The following ZBTB20 variants were observed in gnomAD, a reference collection of about 807,000 sequenced individuals.
ZBTB20 encodes the protein zinc finger and BTB domain-containing protein 20.
In ZBTB20, 9 loss-of-function variants were observed where a neutral mutation model predicts 56.9. The observed-to-expected ratio is 0.16, with a 90% CI of 0.10 to 0.28. The LOEUF is 0.28. Ranked by LOEUF, ZBTB20 falls within the 10% of genes least tolerant of loss-of-function variation. The pLI, the probability that ZBTB20 is intolerant of heterozygous loss-of-function variation, is 1.00. For synonymous variants in ZBTB20, 417 were observed against 420.7 expected (o/e 0.99, Z 0.11); for missense variants, 655 against 1,003.0 (o/e 0.65, Z 4.69).
rs543699006 is a variant in ZBTB20 at position 114,430,955 on chromosome 3, T to C, written c.-254-41850A>G. On this transcript the variant is annotated intron_variant, in intron 7 of 11. Transcript: ENST00000675478. ...AACAAGTGAATTTTTCTCTCATATA[T>C]GAAGGCCTAGATGTGGGGAAAGGTT... Among the ~76,000 whole-genome samples the C allele has an allele frequency of 8.5e-5, 13 of 152,262 alleles. No homozygotes were observed. The South Asian group carries it at 2.7e-3, about 32-fold the overall frequency.
chr3:115,103,428 T>C (rs1311226713), intron 1 of ZBTB20, among the ~76,000 whole-genome samples: 1 of 152,092 alleles, frequency 6.6e-6, no homozygotes, highest in Non-Finnish European at 1.5e-5. Flanking sequence ...GTTGGACAAA[T>C]GAAACTACCA....
chr3:114,660,763 G>C (rs1650097045), intron 6 of ZBTB20, among the ~76,000 whole-genome samples: 1 of 152,016 alleles, frequency 6.6e-6, no homozygotes, highest in Non-Finnish European at 1.5e-5. Flanking sequence ...AATGAATAGG[G>C]ATCAGCATTT....
intron 2 of ZBTB20, among the ~76,000 whole-genome samples, chr3:115,033,622 A>G (rs1280279395): frequency 6.6e-6 from 1 of 151,638 alleles, no homozygotes; most frequent in African/African-American, 2.4e-5. Flanking sequence ...GGAAGTGTCC[A>G]TCAACAGATG....
At chr3:114,658,989 T>C (rs949459493) in intron 6 of ZBTB20, 11 of 152,348 alleles carry the variant, frequency 7.2e-5, no homozygotes, top group East Asian at 3.9e-4. Flanking sequence ...TACATTTTGG[T>C]TGGGGAGATT....
At chr3:114,491,136 C>A (rs2042708420) in intron 7 of ZBTB20, among the ~76,000 whole-genome samples, 1 of 152,226 alleles carries the variant, frequency 6.6e-6, no homozygotes, top group African/African-American at 2.4e-5. Context: ...CCTTTCACTG[C>A]CCTTTCTTAC....
intron 6 of ZBTB20, among the ~76,000 whole-genome samples, chr3:114,600,917 C>T (rs1235222362): frequency 1.3e-5 from 2 of 151,452 alleles, no homozygotes; most frequent in South Asian, 4.2e-4. Context: ...TGTTGCTTGC[C>T]TTTTCTTGAG....
intron 7 of ZBTB20, among the ~76,000 whole-genome samples, chr3:114,471,029 T>G (rs545380583): frequency 1.1e-3 from 172 of 152,278 alleles, no homozygotes; most frequent in African/African-American, 3.9e-3. Context: ...TAAGTCTTTG[T>G]TCAGAAAATA....
chr3:114,454,670 C>G (rs1168102231), intron 7 of ZBTB20: 1 of 151,942 alleles, frequency 6.6e-6, no homozygotes, highest in Non-Finnish European at 1.5e-5. Context: ...TCCACTGCCT[C>G]TTTGAAAAAC....
chr3:115,082,271 C>T (rs972100830), intron 1 of ZBTB20, among the ~76,000 whole-genome samples: 5 of 152,182 alleles, frequency 3.3e-5, no homozygotes, highest in African/African-American at 1.2e-4. Flanking sequence ...AACACACACA[C>T]AGTTACCTTT....
At chr3:115,076,328 A>C (rs907080153) in intron 1 of ZBTB20, among the ~76,000 whole-genome samples, 13 of 152,206 alleles carry the variant, frequency 8.5e-5, no homozygotes, top group Non-Finnish European at 1.2e-4. Context: ...AAAAATAATC[A>C]AAACAATATG....
rs761369643 is a variant in ZBTB20 at position 114,921,607 on chromosome 3, C to T, written c.-455-21265G>A. Reference sequence around the variant, plus strand: ...TGGATATACACCATCAGCAAGCTATCGCAAGGACAAAAAACCAAACACCGC... The same window carrying T: ...TGGATATACACCATCAGCAAGCTATTGCAAGGACAAAAAACCAAACACCGC... On this transcript the variant is annotated intron_variant, in intron 3 of 11. Coordinates refer to ENST00000675478, the MANE Select transcript of ZBTB20 (RefSeq NM_001348800.3). Among the ~76,000 whole-genome samples, 57 of 150,864 alleles carry T rather than the reference C, an allele frequency of 3.8e-4. 1 individual carries two copies. Among genetic ancestry groups the T allele is most frequent in the South Asian group, 6.3e-4 (3 of 4,764 alleles).
chr3:114,526,006 A>G (rs1290561825), intron 6 of ZBTB20, among the ~76,000 whole-genome samples: 2 of 152,214 alleles, frequency 1.3e-5, no homozygotes, highest in African/African-American at 4.8e-5. Flanking sequence ...TATTCAAGGC[A>G]TAGCTGCCAA....
intron 1 of ZBTB20, among the ~76,000 whole-genome samples, chr3:115,091,358 C>T (rs1190851019): frequency 6.6e-6 from 1 of 151,882 alleles, no homozygotes; most frequent in African/African-American, 2.4e-5. Flanking sequence ...TACAAAAATC[C>T]TGTCAAATCA....
chr3:114,908,603 T>G (rs1418293823), intron 3 of ZBTB20, among the ~76,000 whole-genome samples: 1 of 151,824 alleles, frequency 6.6e-6, no homozygotes, highest in African/African-American at 2.4e-5. Context: ...ATATCAAAAA[T>G]ATCAAATCCG....
At chr3:114,495,938 A>G (rs1348035751) in intron 7 of ZBTB20, among the ~76,000 whole-genome samples, 2 of 152,234 alleles carry the variant, frequency 1.3e-5, no homozygotes, top group Non-Finnish European at 2.9e-5. Flanking sequence ...CTGATATTTT[A>G]AAAGCTATGC....
rs188993492 is a variant in ZBTB20 at position 114,815,131 on chromosome 3, G to A, written c.-416-13957C>T. On this transcript the variant is annotated intron_variant, in intron 4 of 11. Coordinates refer to ENST00000675478, the MANE Select transcript of ZBTB20 (RefSeq NM_001348800.3). ...CTAAAGAATGCTTTAAAAATAGAATGTTAACAAGTTCGGAGACATGGATTA... is the reference window on the plus strand; with the variant it reads ...CTAAAGAATGCTTTAAAAATAGAATATTAACAAGTTCGGAGACATGGATTA... 3.3e-3 allele frequency among the ~76,000 whole-genome samples: 503 copies of A among 152,214 alleles called. 2 individuals are homozygous for A. The highest frequency in any genetic ancestry group is 0.012 in the African/African-American group (478 of 41,536).
intron 3 of ZBTB20, among the ~76,000 whole-genome samples, chr3:114,927,217 C>A (rs2076191053): frequency 6.6e-6 from 1 of 152,202 alleles, no homozygotes; most frequent in Admixed American, 6.5e-5. Flanking sequence ...TGTTTCTAAT[C>A]TACCAATGGC....
chr3:115,141,810 G>A (rs1169823243), intron 1 of ZBTB20, among the ~76,000 whole-genome samples: 2 of 152,114 alleles, frequency 1.3e-5, no homozygotes, highest in East Asian at 1.9e-4. Flanking sequence ...GACTTAAAAT[G>A]CACTGTACAC....
chr3:115,107,075 C>T (rs772025113), intron 1 of ZBTB20, among the ~76,000 whole-genome samples: 9 of 151,956 alleles, frequency 5.9e-5, no homozygotes, highest in Non-Finnish European at 1.2e-4. Flanking sequence ...TTGTGACAAA[C>T]AAAAATAGAA....
Sources: allele counts gnomAD v4.1 joint callset (sites outside exome capture counted in the v4.1 genomes callset), GRCh38; gene constraint gnomAD v4.1.1; transcripts MANE v1.5; gene names NCBI Gene and HGNC (gene_info 2026-07-23, HGNC 2026-07-21).